The following BRINP1 variants were observed in gnomAD, a reference collection of about 807,000 sequenced individuals.
BRINP1 encodes BMP/retinoic acid-inducible neural-specific protein 1.
A neutral mutation model predicts 72.9 loss-of-function variants in BRINP1; 17 were observed. The observed-to-expected ratio is 0.23, with a 90% CI of 0.16 to 0.35. The LOEUF (loss-of-function observed/expected upper bound fraction) is 0.35, where lower values mean the gene tolerates loss of function less well. BRINP1 is among the 10% of genes least tolerant of loss of function. BRINP1 has a pLI of 1.00. For missense variants in BRINP1, 850 were observed against 1,001.6 expected (o/e 0.85, Z 2.04); for synonymous variants, 418 against 378.5 (o/e 1.10, Z -1.21).
chr9:119,168,409 C>A (rs1044317025), intron 7 of BRINP1, among the ~76,000 whole-genome samples, 185 bp from the exon 8 acceptor site: 1 of 152,206 alleles, frequency 6.6e-6, no homozygotes, highest in African/African-American at 2.4e-5. Flanking sequence ...CCTAATGCCA[C>A]AAACCAGCTG....
chr9:119,202,803 G>T (rs540121772), intron 7 of BRINP1, among the ~76,000 whole-genome samples: 1 of 152,146 alleles, frequency 6.6e-6, no homozygotes, highest in African/African-American at 2.4e-5. Flanking sequence ...GGTGTGGTCC[G>T]GAATTATCTT....
intron 2 of BRINP1, among the ~76,000 whole-genome samples, chr9:119,271,813 G>A (rs575095984): frequency 2.0e-5 from 3 of 151,444 alleles, no homozygotes; most frequent in South Asian, 2.1e-4. Flanking sequence ...ACACAAACAC[G>A]TGCAAATTTA....
chr9:119,338,272 A>T (rs1165073508), intron 1 of BRINP1, among the ~76,000 whole-genome samples: 5 of 139,704 alleles, frequency 3.6e-5, no homozygotes, highest in African/African-American at 5.3e-5. Context: ...CTGCAATTAG[A>T]TTGGGCTTTT....
intron 7 of BRINP1, among the ~76,000 whole-genome samples, chr9:119,199,476 A>G (rs1196345676): frequency 6.6e-6 from 1 of 152,166 alleles, no homozygotes; most frequent in African/African-American, 2.4e-5. Context: ...TGATGCCCCC[A>G]AGAGATTTTC....
At chr9:119,281,821 C>T (rs1830715898) in intron 2 of BRINP1, among the ~76,000 whole-genome samples, 2 of 152,118 alleles carry the variant, frequency 1.3e-5, no homozygotes, top group Non-Finnish European at 2.9e-5. Flanking sequence ...CAGATCAGTA[C>T]ACATAGATTG....
chr9:119,369,160 G>A lies in BRINP1; in HGVS notation c.-155C>T, dbSNP rs1486250783. 2 of 398,234 alleles carry A rather than the reference G, an allele frequency of 5.0e-6. No individual in the cohort carries two copies. Among genetic ancestry groups the A allele is most frequent in the Non-Finnish European group, 8.9e-6 (2 of 225,964 alleles). 24.7% of individuals were successfully genotyped at this position (398,234 alleles called of 1,614,324 possible). Reference sequence around the variant, plus strand: ...TGCGTGCAGCTCGCATTCCGGGCACGGCGCGGGGACTGCAGGCGTGGGGGT... The same window carrying A: ...TGCGTGCAGCTCGCATTCCGGGCACAGCGCGGGGACTGCAGGCGTGGGGGT... On this transcript the variant is annotated 5_prime_UTR_variant, in exon 1 of 8. Transcript: ENST00000265922.
intron 1 of BRINP1, among the ~76,000 whole-genome samples, chr9:119,338,148 A>T (rs1379595637): frequency 6.6e-6 from 1 of 152,136 alleles, no homozygotes; most frequent in East Asian, 1.9e-4. Flanking sequence ...ATCTAGGCCA[A>T]TGCTGCTGCT....
chr9:119,274,569 T>TGG (rs1443450060), intron 2 of BRINP1, among the ~76,000 whole-genome samples: 3 of 152,168 alleles, frequency 2.0e-5, no homozygotes. Flanking sequence ...CACACATTCT[T>TGG]TTGCTGGGCA....
chr9:119,189,430 T>A (rs1195845317), intron 7 of BRINP1, among the ~76,000 whole-genome samples: 1 of 152,102 alleles, frequency 6.6e-6, no homozygotes, highest in African/African-American at 2.4e-5. Flanking sequence ...AAGAGACCCA[T>A]TTTAGCTTAA....
chr9:119,262,452 T>C (rs1830505599), intron 2 of BRINP1, among the ~76,000 whole-genome samples: 1 of 151,720 alleles, frequency 6.6e-6, no homozygotes, highest in Non-Finnish European at 1.5e-5. Flanking sequence ...GCCAATATGG[T>C]GAAGCCCTGT....
At chr9:119,175,088 G>T (rs1829466330) in intron 7 of BRINP1, among the ~76,000 whole-genome samples, 1 of 130,086 alleles carries the variant, frequency 7.7e-6, no homozygotes, top group Non-Finnish European at 1.5e-5. Context: ...TGCACAATGT[G>T]CACATGTACC....
intron 7 of BRINP1, among the ~76,000 whole-genome samples, chr9:119,175,049 A>G (rs28835081): frequency 0.11 from 16,526 of 146,424 alleles, 2,781 homozygotes; most frequent in African/African-American, 0.38. Context: ...GTGCACCAGC[A>G]TGGCACATGT....
chr9:119,240,561 A>G (rs939193236), intron 4 of BRINP1, among the ~76,000 whole-genome samples: 4 of 152,190 alleles, frequency 2.6e-5, no homozygotes, highest in Non-Finnish European at 5.9e-5. Flanking sequence ...CCATTTGGTG[A>G]TAATGAAAAC....
chr9:119,218,746 A>ATTT (rs10685419), intron 5 of BRINP1, among the ~76,000 whole-genome samples: 13,670 of 133,194 alleles, frequency 0.1, 946 homozygotes, highest in African/African-American at 0.19. Context: ...AAACTCAGGG[A>ATTT]TTTTTTTTTT....
At chr9:119,349,003 A>C (rs1831476289) in intron 1 of BRINP1, among the ~76,000 whole-genome samples, 1 of 152,300 alleles carries the variant, frequency 6.6e-6, no homozygotes, top group East Asian at 1.9e-4. Flanking sequence ...TTTACAGGAA[A>C]TCCAGGCTCA....
chr9:119,326,943 G>A (rs1237281750), intron 1 of BRINP1, among the ~76,000 whole-genome samples: 1 of 152,156 alleles, frequency 6.6e-6, no homozygotes, highest in Non-Finnish European at 1.5e-5. Context: ...GAAAAGTTTG[G>A]CCTGCATTTC....
Position 119,238,691 on chromosome 9 carries a change from G to C in BRINP1, c.649C>G (p.Leu217Val). 6.2e-7 allele frequency: 1 copy of C among 1,612,280 alleles called. No individual in the cohort carries two copies. The highest frequency in any genetic ancestry group is 8.5e-7 in the Non-Finnish European group (1 of 1,179,610). ...YDNLDSVSSV[L>V]LQSTESKLHL... Reference sequence around the variant, plus strand: ...AGTTTGCTCTCCGTGCTTTGCAGAAGGACGGAACTCACAGAGTCCAGATTG... The same window carrying C: ...AGTTTGCTCTCCGTGCTTTGCAGAACGACGGAACTCACAGAGTCCAGATTG... The change falls in exon 5 of 8, where the codon CTT (leucine) becomes GTT (valine). Residue 217 changes from leucine (L) to valine (V), a missense_variant. By Grantham distance (32) the Leu-to-Val change is conservative. Coordinates refer to ENST00000265922, the MANE Select transcript of BRINP1 (RefSeq NM_014618.3).
At chr9:119,284,572 T>G (rs1830741797) in intron 2 of BRINP1, among the ~76,000 whole-genome samples, 1 of 152,200 alleles carries the variant, frequency 6.6e-6, no homozygotes, top group South Asian at 2.1e-4. Context: ...AAGCAACTCT[T>G]TCCCTCCCTT....
rs150413708 is a variant in BRINP1 at position 119,201,304 on chromosome 9, A to G, written c.1145+7415T>C. 5.7e-4 allele frequency among the ~76,000 whole-genome samples: 87 copies of G among 152,314 alleles called. No homozygotes were observed. In the Middle Eastern group the frequency reaches 0.02, roughly 36 times the overall value. ...CATCTGAAAGCAATGCTGCTCAAAG[A>G]TTCAATTACTGACCTTCTACCAATA... On this transcript the variant is annotated intron_variant, in intron 7 of 7. Transcript: ENST00000265922.
Sources: gnomAD v4.1 joint callset for allele counts (sites outside exome capture counted in the v4.1 genomes callset) on GRCh38, gnomAD v4.1.1 for gene constraint, MANE v1.5 for transcripts, NCBI Gene and HGNC (gene_info 2026-07-23, HGNC 2026-07-21) for gene names.